The following EFCAB13 variants were observed in gnomAD, a reference collection of about 807,000 sequenced individuals.
EFCAB13 encodes the protein EF-hand calcium-binding domain-containing protein 13.
Under a neutral mutation model 110.2 loss-of-function variants are expected in EFCAB13, and 91 were observed. The ratio of observed to expected loss-of-function variants is 0.83; its 90% CI spans 0.70 to 0.98. The LOEUF (loss-of-function observed/expected upper bound fraction) is 0.98, where lower values mean the gene tolerates loss of function less well. EFCAB13 is among the 50% of genes least tolerant of loss of function. EFCAB13 has a pLI of 0.00. For missense variants in EFCAB13, 968 were observed against 1,119.4 expected (o/e 0.86, Z 1.93); for synonymous variants, 323 against 369.9 (o/e 0.87, Z 1.45).
chr17:47,335,060 T>C (rs1460266197), intron 4 of EFCAB13, 136 bp from the exon 5 acceptor site: 2 of 990,578 alleles, frequency 2.0e-6, no homozygotes, highest in Admixed American at 2.8e-5. Context: ...GAGTAAAACC[T>C]TTTTCAACAA....
intron 23 of EFCAB13, among the ~76,000 whole-genome samples, chr17:47,427,278 A>T (rs961086147): frequency 2.6e-5 from 4 of 152,124 alleles, no homozygotes; most frequent in African/African-American, 9.6e-5. Flanking sequence ...TTAGAAGACA[A>T]TTGGCAAATA....
chr17:47,432,458 A>G (rs1363382684), intron 24 of EFCAB13, among the ~76,000 whole-genome samples: 1 of 150,664 alleles, frequency 6.6e-6, no homozygotes, highest in Non-Finnish European at 1.5e-5. Context: ...TCGGTGTGAT[A>G]GCGTGAGCCT....
At chr17:47,422,310 C>T (rs945887724) in intron 23 of EFCAB13, among the ~76,000 whole-genome samples, 2 of 152,092 alleles carry the variant, frequency 1.3e-5, no homozygotes, top group Admixed American at 6.5e-5. Flanking sequence ...TAAATTCTTG[C>T]TCACAGAGAT....
intron 15 of EFCAB13, among the ~76,000 whole-genome samples, chr17:47,393,757 A>AAATAAAT (rs1567797031): frequency 3.1e-4 from 41 of 133,846 alleles, no homozygotes; most frequent in South Asian, 2.2e-3. Context: ...AATAAATAAA[A>AAATAAAT]ATAAAAATAA....
At chr17:47,395,681 T>G (rs1402629937) in intron 16 of EFCAB13, among the ~76,000 whole-genome samples, 153 bp from the exon 17 acceptor site, 3 of 152,190 alleles carry the variant, frequency 2.0e-5, no homozygotes. Flanking sequence ...TTTTATTATG[T>G]TTTCATTTTT....
intron 10 of EFCAB13, among the ~76,000 whole-genome samples, chr17:47,368,895 T>C (rs1232467411): frequency 6.6e-6 from 1 of 152,184 alleles, no homozygotes; most frequent in African/African-American, 2.4e-5. Context: ...TGCTGGGTTC[T>C]CAATGCAGGG....
chr17:47,326,613 A>C (rs920918262), intron 3 of EFCAB13, among the ~76,000 whole-genome samples: 2 of 152,256 alleles, frequency 1.3e-5, no homozygotes, highest in Non-Finnish European at 2.9e-5. Flanking sequence ...AAAAATACAA[A>C]TACAAGGCAA....
chr17:47,420,993 G>C (rs1904676385), intron 23 of EFCAB13, among the ~76,000 whole-genome samples: 1 of 144,764 alleles, frequency 6.9e-6, no homozygotes, highest in Non-Finnish European at 1.5e-5. Context: ...GGAGGTGAGG[G>C]GGTCAGCCCC....
At chr17:47,372,849 C>T (rs945867394) in intron 11 of EFCAB13, among the ~76,000 whole-genome samples, 5 of 151,950 alleles carry the variant, frequency 3.3e-5, no homozygotes, top group African/African-American at 1.2e-4. Flanking sequence ...TCAGAATCTC[C>T]CTCTTGTTCT....
chr17:47,351,321 G>GCGCA (rs1555578801), intron 9 of EFCAB13, among the ~76,000 whole-genome samples: 3 of 148,504 alleles, frequency 2.0e-5, no homozygotes, highest in African/African-American at 7.4e-5. Context: ...GCGCGCGCGC[G>GCGCA]CGCGCGCCAC....
chr17:47,409,455 T>C (rs2065822084), intron 20 of EFCAB13, 192 bp from the exon 21 acceptor site: 2 of 525,798 alleles, frequency 3.8e-6, no homozygotes, highest in Non-Finnish European at 3.4e-6. Context: ...GGAGCCCAAG[T>C]AGTAAGCAAA....
At chr17:47,376,830 T>A (rs1459906975) in intron 12 of EFCAB13, among the ~76,000 whole-genome samples, 1 of 152,224 alleles carries the variant, frequency 6.6e-6, no homozygotes, top group Non-Finnish European at 1.5e-5. Flanking sequence ...TTCCTCAATT[T>A]TTCATGACCT....
intron 24 of EFCAB13, among the ~76,000 whole-genome samples, chr17:47,437,947 C>T (rs1905242737): frequency 6.6e-6 from 1 of 152,084 alleles, no homozygotes; most frequent in South Asian, 2.1e-4. Context: ...TTTAGAGCTC[C>T]TTTTAGCAGT....
intron 9 of EFCAB13, among the ~76,000 whole-genome samples, chr17:47,356,914 C>T (rs903857898): frequency 2.6e-5 from 4 of 152,100 alleles, no homozygotes; most frequent in Admixed American, 6.5e-5. Flanking sequence ...CAGCTGCTGT[C>T]GGGGTGAAGG....
intron 23 of EFCAB13, among the ~76,000 whole-genome samples, chr17:47,420,612 T>A (rs1904635618): frequency 1.4e-5 from 2 of 147,754 alleles, no homozygotes; most frequent in African/African-American, 2.5e-5. Context: ...CCATCTGGGA[T>A]GTGAGGAGCG....
rs1311884075 is a variant in EFCAB13 at position 47,390,918 on chromosome 17, A to ATCTATCTGTCTG, written c.1583-512_1583-511insGTCTGTCTATCT. The stretch of plus-strand genomic sequence containing the variant: ...TATGTGTATGTGTGTCTGTCTGTCT[A>ATCTATCTGTCTG]TCTATCTATCTGTCTATCTATCTAT... On this transcript the variant is annotated intron_variant, in intron 14 of 24. Transcript: ENST00000331493. Among the ~76,000 whole-genome samples, 311 of 149,762 alleles carry ATCTATCTGTCTG rather than the reference A, an allele frequency of 2.1e-3. 3 individuals are homozygous for ATCTATCTGTCTG. Among genetic ancestry groups the ATCTATCTGTCTG allele is most frequent in the African/African-American group, 7.1e-3 (287 of 40,536 alleles).
intron 11 of EFCAB13, among the ~76,000 whole-genome samples, chr17:47,372,873 T>C (rs2065592637): frequency 6.6e-6 from 1 of 152,174 alleles, no homozygotes; most frequent in African/African-American, 2.4e-5. Flanking sequence ...TATTTAACAG[T>C]TTGATTATAA....
chr17:47,326,422 C>A (rs2065286530), intron 3 of EFCAB13, 35 bp downstream of exon 3: 1 of 152,078 alleles, frequency 6.6e-6, no homozygotes, highest in Non-Finnish European at 1.5e-5. Context: ...TTTGTTCATT[C>A]ATCCCTCTCT....
intron 5 of EFCAB13, 100 bp from the exon 6 acceptor site, chr17:47,341,821 C>T (rs2065386638): frequency 1.5e-6 from 1 of 668,592 alleles, no homozygotes; most frequent in South Asian, 2.1e-5. Context: ...TGATGGGATT[C>T]TGTATACTTT....
Sources: allele counts gnomAD v4.1 joint callset (sites outside exome capture counted in the v4.1 genomes callset), GRCh38; gene constraint gnomAD v4.1.1; transcripts MANE v1.5; gene names NCBI Gene and HGNC (gene_info 2026-07-23, HGNC 2026-07-21).